Variants in ZNF592 observed in about 807,000 individuals in gnomAD.
ZNF592 encodes spinocerebellar ataxia, autosomal recessive 5.
Under a neutral mutation model 80.3 loss-of-function variants are expected in ZNF592, and 11 were observed. That is an observed-to-expected ratio of 0.14 (90% CI 0.09 to 0.23). The LOEUF is 0.23. ZNF592 is among the 10% of genes least tolerant of loss of function. The probability of loss-of-function intolerance (pLI) is 1.00; values close to 1 mark genes in which losing one functional copy is unlikely to be tolerated. For synonymous variants in ZNF592, 646 were observed against 640.3 expected (o/e 1.01, Z -0.13); for missense variants, 1,420 against 1,633.9 (o/e 0.87, Z 2.26).
At chr15:84,779,995 T>A (rs559050362) in intron 3 of ZNF592, among the ~76,000 whole-genome samples, 3 of 150,874 alleles carry the variant, frequency 2.0e-5, no homozygotes, top group Non-Finnish European at 4.4e-5. Context: ...TTTTGTTTTT[T>A]TTTTTTTTTG....
intron 1 of ZNF592, among the ~76,000 whole-genome samples, chr15:84,759,785 T>C (rs1255313142): frequency 6.6e-6 from 1 of 152,172 alleles, no homozygotes; most frequent in Non-Finnish European, 1.5e-5. Context: ...CATTCATTCA[T>C]ATCAGTTCCT....
intron 2 of ZNF592, among the ~76,000 whole-genome samples, chr15:84,767,664 A>C (rs542304781): frequency 1.3e-3 from 192 of 152,056 alleles, no homozygotes; most frequent in African/African-American, 4.5e-3. Context: ...CTTGCTGCCT[A>C]TGCCTAGTTT....
intron 5 of ZNF592, among the ~76,000 whole-genome samples, chr15:84,791,199 T>G (rs1272423924): frequency 6.6e-6 from 1 of 152,252 alleles, no homozygotes; most frequent in Non-Finnish European, 1.5e-5. Context: ...CAAGTTATGT[T>G]TGGCACATTA....
intron 2 of ZNF592, among the ~76,000 whole-genome samples, chr15:84,767,938 G>A (rs1899577300): frequency 1.3e-5 from 2 of 151,446 alleles, no homozygotes; most frequent in South Asian, 2.1e-4. Context: ...GTGCAATGGT[G>A]CAATCACAGC....
In ZNF592 at chr15:84,784,596, A is replaced by G; in HGVS notation, c.1921A>G (p.Ser641Gly). 1 of 1,614,156 alleles carries G rather than the reference A, an allele frequency of 6.2e-7. No individual in the cohort carries two copies. The highest frequency in any genetic ancestry group is 2.2e-5 in the East Asian group (1 of 44,886). The change falls in exon 4 of 11, where the codon AGC (serine) becomes GGC (glycine). Residue 641 changes from serine to glycine, a missense_variant. This residue lies in a region of ZNF592 where 524 missense variants were observed against 628.3 expected (regional missense o/e 0.83). Coordinates refer to ENST00000560079, the MANE Select transcript of ZNF592 (RefSeq NM_014630.3). This position sits in a 1 kb window ranked among gnomAD's most constrained non-coding sequence, Gnocchi z 5.8. ...GCTCCGGCACGCCCGTGACCACAAGAGCAAGGGGCTCGTCATGCAGTGTTC... is the reference window on the plus strand; with the variant it reads ...GCTCCGGCACGCCCGTGACCACAAGGGCAAGGGGCTCGTCATGCAGTGTTC... Reference protein sequence around the residue: ...SLLRHARDHKSKGLVMQCSQL... With the variant: ...SLLRHARDHKGKGLVMQCSQL...
At chr15:84,771,469 C>T (rs906887444) in intron 2 of ZNF592, among the ~76,000 whole-genome samples, 1 of 152,046 alleles carries the variant, frequency 6.6e-6, no homozygotes, top group African/African-American at 2.4e-5. Flanking sequence ...GAGAGAACCA[C>T]CACTGGGGTC....
chr15:84,787,788 A>G (rs1962632897), intron 4 of ZNF592, among the ~76,000 whole-genome samples: 1 of 152,198 alleles, frequency 6.6e-6, no homozygotes, highest in Admixed American at 6.5e-5. Flanking sequence ...ATGTCTTTTT[A>G]CAGTTGGGAT....
At chr15:84,752,478 G>A (rs1162766158) in intron 1 of ZNF592, among the ~76,000 whole-genome samples, 3 of 152,194 alleles carry the variant, frequency 2.0e-5, no homozygotes, top group Non-Finnish European at 4.4e-5. Flanking sequence ...AGGAAGAGTA[G>A]GAGTTTTACA....
chr15:84,783,663 A>G lies in ZNF592; in HGVS notation c.988A>G (p.Lys330Glu). Residue 330 changes from lysine (K) to glutamate (E), a missense_variant, in exon 4 of 11, where the codon AAG becomes GAG. By Grantham distance (56) the Lys-to-Glu change is moderately conservative. Around this residue, in one of 7 missense-constraint regions of ZNF592, gnomAD observed 524 missense variants for 628.3 expected, o/e 0.83. Transcript: ENST00000560079. This position sits in a 1 kb window ranked among gnomAD's most constrained non-coding sequence, Gnocchi z 5.0. ...KGSPKMPKSP[K>E]SPRSPLEATR... The stretch of plus-strand genomic sequence containing the variant: ...TAGCCCCAAAATGCCCAAGTCACCA[A>G]AGAGTCCCCGGAGCCCTCTGGAGGC... 6.2e-7 allele frequency: 1 copy of G among 1,614,204 alleles called. No individual in the cohort carries two copies. The highest frequency in any genetic ancestry group is 1.1e-5 in the South Asian group (1 of 91,090).
chr15:84,761,187 A>G (rs368576596), intron 1 of ZNF592, among the ~76,000 whole-genome samples: 13 of 152,128 alleles, frequency 8.5e-5, no homozygotes, highest in African/African-American at 3.1e-4. Flanking sequence ...GCCAGTCTCA[A>G]ACTCCTGACC....
At position 84,798,670 on chromosome 15, in the gene ZNF592, C is replaced by G; in HGVS notation, c.2819C>G (p.Ser940Cys). 6.2e-7 allele frequency: 1 copy of G among 1,613,806 alleles called. No individual in the cohort carries two copies. The highest frequency in any genetic ancestry group is 1.7e-5 in the Admixed American group (1 of 60,036). Residue 940 changes from serine to cysteine, a missense_variant, in exon 8 of 11, where the codon TCT becomes TGT. Ser to Cys is a moderately radical substitution (Grantham distance 112). Transcript: ENST00000560079. This position sits in a 1 kb window ranked among gnomAD's most constrained non-coding sequence, Gnocchi z 4.5. ...SADTSSSRPGSRVPTEPPATS... is the reference protein window; with the variant it reads ...SADTSSSRPGCRVPTEPPATS... ...GACACATCCTCAAGCCGCCCTGGCT[C>G]TCGAGTTCCCACTGAGCCACCAGCC...
chr15:84,790,842 A>G lies in ZNF592; in HGVS notation c.2358A>G (p.Val786=). ...GCTCTGCCTACTTCCAGACCCATGT[A>G]AAGGAGAATTGCCTGCACTATGCCC... ...LCRSAYFQTH[V]KENCLHYARK... The change falls in exon 5 of 11, where the codon GTA becomes GTG. Residue 786 remains valine (V), a synonymous_variant. Transcript: ENST00000560079. 8.7e-6 allele frequency: 14 copies of G among 1,614,174 alleles called. No homozygotes were observed. The highest frequency in any genetic ancestry group is 1.2e-5 in the Non-Finnish European group (14 of 1,180,030).
rs536799233 is a variant in ZNF592 at position 84,800,671 on chromosome 15, G to C, written c.3273+694G>C. The stretch of plus-strand genomic sequence containing the variant: ...CACCTTTCATGCGTAGTAGCTGGGG[G>C]TATCGATTGATGTTTTTGGCAACAC... On this transcript the variant is annotated intron_variant, in intron 10 of 10. Coordinates refer to ENST00000560079, the MANE Select transcript of ZNF592 (RefSeq NM_014630.3). Among the ~76,000 whole-genome samples the C allele has an allele frequency of 7.2e-5, 11 of 152,304 alleles. No individual in the cohort carries two copies. The South Asian group carries it at 2.1e-3, about 29-fold the overall frequency.
At chr15:84,768,078 A>G (rs1411298616) in intron 2 of ZNF592, among the ~76,000 whole-genome samples, 2 of 143,514 alleles carry the variant, frequency 1.4e-5, no homozygotes, top group African/African-American at 2.5e-5. Flanking sequence ...TTTTTTGTAG[A>G]GATGGGGTTT....
At chr15:84,756,069 A>T (rs1292737280) in intron 1 of ZNF592, among the ~76,000 whole-genome samples, 3 of 152,188 alleles carry the variant, frequency 2.0e-5, no homozygotes, top group Non-Finnish European at 4.4e-5. Flanking sequence ...AGTCTCTCAC[A>T]CAACAGCATG....
Position 84,799,209 on chromosome 15 carries a change from G to A in ZNF592, c.3136G>A (p.Gly1046Arg), listed in dbSNP as rs150829393. ...CACAGTAAAGAAGTTCTACACCTGCGGGTGAGTCCCTGGGGATAGTAGTGA... is the reference window on the plus strand; with the variant it reads ...CACAGTAAAGAAGTTCTACACCTGCAGGTGAGTCCCTGGGGATAGTAGTGA... ...HDTVKKFYTC[G>R]YCTEDSPSFP... Residue 1046 changes from glycine to arginine, a missense_variant and splice_region_variant, in exon 9 of 11, where the codon GGG (glycine) becomes AGG (arginine). Physicochemically the swap from Gly to Arg is moderately radical, Grantham distance 125. This residue lies in a region of ZNF592 where 331 missense variants were observed against 347.0 expected (regional missense o/e 0.95). Coordinates refer to ENST00000560079, the MANE Select transcript of ZNF592 (RefSeq NM_014630.3). The surrounding 1 kb of genome is among the most constrained non-coding windows in gnomAD (Gnocchi z 4.2). 1.0e-4 allele frequency: 164 copies of A among 1,614,000 alleles called. No homozygotes were observed. In the Middle Eastern group the frequency reaches 1.3e-3, roughly 13 times the overall value.
intron 5 of ZNF592, among the ~76,000 whole-genome samples, chr15:84,791,815 A>AT (rs1258023476): frequency 6.6e-6 from 1 of 152,254 alleles, no homozygotes; most frequent in Non-Finnish European, 1.5e-5. Flanking sequence ...CTGACCAGGA[A>AT]TAACAGCATA....
intron 5 of ZNF592, among the ~76,000 whole-genome samples, chr15:84,795,150 AATT>A (rs1217930201): frequency 6.6e-6 from 1 of 151,698 alleles, no homozygotes; most frequent in Non-Finnish European, 1.5e-5. Context: ...GAATTTCATA[AATT>A]ATTCTGTTCT....
At chr15:84,759,352 C>G (rs939130726) in intron 1 of ZNF592, among the ~76,000 whole-genome samples, 1 of 152,188 alleles carries the variant, frequency 6.6e-6, no homozygotes, top group Non-Finnish European at 1.5e-5. Flanking sequence ...GGAACATTCT[C>G]TAGTACCCAA....
Sources: gnomAD v4.1 joint callset for allele counts (sites outside exome capture counted in the v4.1 genomes callset) on GRCh38, gnomAD v4.1.1 for gene constraint, gnomAD v4.1.1 regional missense constraint, Gnocchi (gnomAD v3.1) non-coding constraint, MANE v1.5 for transcripts, NCBI Gene and HGNC (gene_info 2026-07-23, HGNC 2026-07-21) for gene names.